TBCK: variants seen among roughly 807,000 people sequenced by gnomAD.
TBCK encodes the protein TBC1 domain containing kinase.
Under a neutral mutation model 113.4 loss-of-function variants are expected in TBCK, and 99 were observed. The observed-to-expected ratio is 0.87, with a 90% confidence interval of 0.74 to 1.03. TBCK has a LOEUF of 1.03. Among genes scored for constraint, TBCK ranks in the 50% least tolerant of loss-of-function variants. TBCK has a pLI of 0.00. For missense variants in TBCK, 1,045 were observed against 1,061.3 expected, an observed-to-expected ratio of 0.98 and a Z score of 0.21; for synonymous variants, 369 against 370.8, an observed-to-expected ratio of 1.00 and a Z score of 0.05.
intron 19 of TBCK, among the ~76,000 whole-genome samples, chr4:106,217,807 A>T (rs1423244458): frequency 6.7e-6 from 1 of 150,300 alleles, no homozygotes; most frequent in Non-Finnish European, 1.5e-5. Context: ...GGTAATTTAT[A>T]GATTCAATGC....
chr4:106,068,167 T>C (rs1736885416), intron 25 of TBCK, among the ~76,000 whole-genome samples: 1 of 152,180 alleles, frequency 6.6e-6, no homozygotes, highest in Non-Finnish European at 1.5e-5. Flanking sequence ...TATTTTTTAT[T>C]ATAGTTTAAG....
At chr4:106,131,303 A>T (rs1159496732) in intron 23 of TBCK, among the ~76,000 whole-genome samples, 1 of 152,236 alleles carries the variant, frequency 6.6e-6, no homozygotes, top group African/African-American at 2.4e-5. Context: ...TGTCATTATT[A>T]GCAGCATGAA....
intron 1 of TBCK, among the ~76,000 whole-genome samples, chr4:106,311,967 T>C (rs1298430647): frequency 1.3e-5 from 2 of 152,142 alleles, no homozygotes; most frequent in Non-Finnish European, 2.9e-5. Context: ...ACTGTTAGTC[T>C]TCTAATTGAA....
intron 25 of TBCK, among the ~76,000 whole-genome samples, chr4:106,050,950 G>A (rs1734736943): frequency 6.6e-6 from 1 of 151,940 alleles, no homozygotes; most frequent in Non-Finnish European, 1.5e-5. Context: ...ATACAGCAGT[G>A]TCTGAATATG....
At chr4:106,145,509 C>A (rs764459358) in intron 23 of TBCK, among the ~76,000 whole-genome samples, 79 of 152,052 alleles carry the variant, frequency 5.2e-4, no homozygotes, top group Non-Finnish European at 8.1e-4. Flanking sequence ...AGGGTTCAGT[C>A]CTAAACCATG....
chr4:106,197,214 G>C (rs1378145269), intron 20 of TBCK, among the ~76,000 whole-genome samples: 1 of 151,886 alleles, frequency 6.6e-6, no homozygotes, highest in Non-Finnish European at 1.5e-5. Context: ...TAGGAAATCT[G>C]GGGAGATCAA....
chr4:106,092,281 C>G (rs1359509164), intron 25 of TBCK, among the ~76,000 whole-genome samples: 2 of 152,254 alleles, frequency 1.3e-5, no homozygotes, highest in Non-Finnish European at 2.9e-5. Flanking sequence ...AATCCCTTAG[C>G]TAGACATAAA....
intron 25 of TBCK, among the ~76,000 whole-genome samples, chr4:106,081,863 C>T (rs933926873): frequency 1.3e-5 from 2 of 152,104 alleles, no homozygotes; most frequent in African/African-American, 4.8e-5. Context: ...TGCTCATCAT[C>T]ACTAATCGTC....
chr4:106,190,764 A>T (rs1439360935), intron 22 of TBCK, among the ~76,000 whole-genome samples: 1 of 152,040 alleles, frequency 6.6e-6, no homozygotes, highest in Non-Finnish European at 1.5e-5. Context: ...TTATGGAGAC[A>T]GAGTCTCACT....
intron 24 of TBCK, among the ~76,000 whole-genome samples, chr4:106,110,534 G>C (rs7657975): frequency 0.2 from 30,987 of 152,048 alleles, 3,481 homozygotes; most frequent in South Asian, 0.27. Flanking sequence ...GCAGAGCCTT[G>C]GTTTCGCAGG....
At chr4:106,233,757 C>T in intron 15 of TBCK, 107 bp from the exon 16 acceptor site, 1 of 850,582 alleles carries the variant, frequency 1.2e-6, no homozygotes, top group Non-Finnish European at 1.8e-6. Flanking sequence ...ACCTACCCAA[C>T]TACAGATAAG....
intron 25 of TBCK, among the ~76,000 whole-genome samples, chr4:106,092,458 C>T (rs768738792): frequency 1.3e-5 from 2 of 152,204 alleles, no homozygotes; most frequent in African/African-American, 2.4e-5. Flanking sequence ...GGGCAGCACT[C>T]GTTGGGGAGT....
At chr4:106,061,782 G>A (rs1461049240) in intron 25 of TBCK, among the ~76,000 whole-genome samples, 1 of 151,482 alleles carries the variant, frequency 6.6e-6, no homozygotes, top group African/African-American at 2.4e-5. Flanking sequence ...CCTTTTATAG[G>A]AGAGAAATTT....
intron 23 of TBCK, among the ~76,000 whole-genome samples, chr4:106,125,289 G>A (rs561774017): frequency 2.0e-5 from 3 of 152,170 alleles, no homozygotes; most frequent in African/African-American, 4.8e-5. Context: ...TCATTACAGC[G>A]CTATTCACAA....
chr4:106,062,218 T>C (rs528468000), intron 25 of TBCK, among the ~76,000 whole-genome samples: 1 of 152,040 alleles, frequency 6.6e-6, no homozygotes, highest in African/African-American at 2.4e-5. Context: ...GAAATGGCTA[T>C]GTGGAAATTT....
chr4:106,308,805 T>A lies in TBCK; in HGVS notation c.156A>T (p.Arg52Ser), dbSNP rs1254886948. The A allele has an allele frequency of 3.7e-6, 6 of 1,613,658 alleles. No homozygotes were observed. The highest frequency in any genetic ancestry group is 5.1e-6 in the Non-Finnish European group (6 of 1,179,924). ...FQILKTITHP[R>S]LCQYVDISRG... Reference sequence around the variant, plus strand: ...TAGAAATATCCACATACTGGCAGAGTCTGGGATGGGTGATGGTTTTAAGGA... The same window carrying A: ...TAGAAATATCCACATACTGGCAGAGACTGGGATGGGTGATGGTTTTAAGGA... The change falls in exon 2 of 26, where the codon AGA becomes AGT. Residue 52 changes from arginine to serine, a missense_variant. Coordinates refer to ENST00000394708, the MANE Select transcript of TBCK (RefSeq NM_001163435.3).
intron 21 of TBCK, 60 bp downstream of exon 21, chr4:106,194,658 G>T: frequency 8.0e-7 from 1 of 1,250,676 alleles, no homozygotes; most frequent in Non-Finnish European, 1.1e-6. Flanking sequence ...AATATGGGGA[G>T]GCATCGGGCT....
intron 24 of TBCK, among the ~76,000 whole-genome samples, chr4:106,096,256 T>C (rs1379137189): frequency 2.0e-5 from 3 of 152,222 alleles, no homozygotes; most frequent in Admixed American, 6.5e-5. Flanking sequence ...TGAAGAGTAA[T>C]GACTTTTCTC....
At chr4:106,049,044 T>C (rs186830619) in intron 25 of TBCK, among the ~76,000 whole-genome samples, 1 of 152,196 alleles carries the variant, frequency 6.6e-6, no homozygotes, top group East Asian at 1.9e-4. Flanking sequence ...AGATTATGAG[T>C]TATGCTCCTC....
Sources: allele counts gnomAD v4.1 joint callset (sites outside exome capture counted in the v4.1 genomes callset), GRCh38; gene constraint gnomAD v4.1.1; transcripts MANE v1.5; gene names NCBI Gene and HGNC (gene_info 2026-07-23, HGNC 2026-07-21).